The following CDC42BPB variants were observed in gnomAD, a reference collection of about 807,000 sequenced individuals.
CDC42BPB encodes CDC42 binding protein kinase beta, also known as serine/threonine-protein kinase MRCK beta.
A neutral mutation model predicts 214.9 loss-of-function variants in CDC42BPB; 37 were observed. The observed-to-expected ratio is 0.17, with a 90% confidence interval of 0.13 to 0.23. CDC42BPB has a LOEUF of 0.23. Among genes scored for constraint, CDC42BPB ranks in the 10% least tolerant of loss-of-function variants. CDC42BPB has a pLI of 1.00. For missense variants in CDC42BPB, 1,694 were observed against 2,227.0 expected, an observed-to-expected ratio of 0.76 and a Z score of 4.82; for synonymous variants, 931 against 884.0, an observed-to-expected ratio of 1.05 and a Z score of -0.94.
intron 21 of CDC42BPB, among the ~76,000 whole-genome samples, chr14:102,959,022 C>T (rs1448919384): frequency 1.4e-5 from 2 of 146,218 alleles, no homozygotes; most frequent in African/African-American, 2.5e-5. Context: ...ACAGGCTGGG[C>T]GTGGTGGCTC....
At chr14:102,945,602 G>T in intron 29 of CDC42BPB, 60 bp downstream of exon 29, 1 of 1,470,172 alleles carries the variant, frequency 6.8e-7, no homozygotes, top group Non-Finnish European at 9.5e-7. Flanking sequence ...ACCCTGTGCT[G>T]TCTGCAGAGG....
At chr14:103,032,118 T>C (rs937628398) in intron 1 of CDC42BPB, among the ~76,000 whole-genome samples, 2 of 151,998 alleles carry the variant, frequency 1.3e-5, no homozygotes, top group Non-Finnish European at 2.9e-5. Context: ...GTTTCTGATA[T>C]GAAGGCCTGG....
chr14:103,028,959 C>T (rs2139697027), intron 1 of CDC42BPB, among the ~76,000 whole-genome samples: 1 of 152,272 alleles, frequency 6.6e-6, no homozygotes, highest in South Asian at 2.1e-4. Context: ...AAACCATTTT[C>T]AGCAGGGTTC....
intron 1 of CDC42BPB, among the ~76,000 whole-genome samples, chr14:103,044,965 C>T (rs1484050640): frequency 6.6e-6 from 1 of 150,942 alleles, no homozygotes; most frequent in Non-Finnish European, 1.5e-5. Context: ...TTTGGGAGGC[C>T]GAGGCAAGAG....
rs1487372209 is a variant in CDC42BPB, at chr14:102,968,736, T to C, written c.1996-20A>G. ...CTTCACCTGAAGACAAAGGTTAACA[T>C]AAATTGACAAACCTCTGTGTCCTCA... On this transcript the variant is annotated intron_variant, in intron 14 of 36. Coordinates refer to ENST00000361246, the MANE Select transcript of CDC42BPB (RefSeq NM_006035.4). The C allele has an allele frequency of 3.7e-6, 6 of 1,612,176 alleles. No individual in the cohort carries two copies. Among genetic ancestry groups the C allele is most frequent in the Non-Finnish European group, 5.1e-6 (6 of 1,179,694 alleles).
chr14:102,950,346 G>C, intron 25 of CDC42BPB, 120 bp downstream of exon 25: 1 of 1,343,898 alleles, frequency 7.4e-7, no homozygotes, highest in Non-Finnish European at 1.0e-6. Flanking sequence ...AAGCCCCCTA[G>C]GACTGGCACC....
intron 6 of CDC42BPB, among the ~76,000 whole-genome samples, chr14:102,985,961 G>C (rs34194778): frequency 6.6e-6 from 1 of 152,158 alleles, no homozygotes; most frequent in Admixed American, 6.5e-5. Context: ...TAGCCGATCC[G>C]GGGGCAACCT....
chr14:102,986,039 C>A (rs1230115414), intron 6 of CDC42BPB, among the ~76,000 whole-genome samples: 3 of 152,236 alleles, frequency 2.0e-5, no homozygotes, highest in Non-Finnish European at 1.5e-5. Flanking sequence ...GACTCTATTT[C>A]TAGGTCTACA....
At chr14:102,969,894 C>T (rs551821540) in intron 14 of CDC42BPB, among the ~76,000 whole-genome samples, 3 of 152,230 alleles carry the variant, frequency 2.0e-5, no homozygotes, top group Non-Finnish European at 4.4e-5. Context: ...ATTAGATATT[C>T]GTTTCCTAGG....
At chr14:103,018,581 C>T (rs932787723) in intron 1 of CDC42BPB, among the ~76,000 whole-genome samples, 1 of 151,994 alleles carries the variant, frequency 6.6e-6, no homozygotes, top group African/African-American at 2.4e-5. Flanking sequence ...AAAGAAGATT[C>T]CAGGATGTGC....
chr14:102,933,794 G>A lies in CDC42BPB; in HGVS notation c.5054C>T (p.Pro1685Leu), dbSNP rs2139325341. ...GGAGTTGGGGCTCGGTGGGCCGCTG[G>A]GGTTGGAGCTATTCGATGGAGTTGA... ...KHSTPSNSSNPSGPPSPNSPH... is the reference protein window; with the variant it reads ...KHSTPSNSSNLSGPPSPNSPH... Residue 1685 changes from proline to leucine, a missense_variant, in exon 37 of 37, where the codon CCC becomes CTC. Around this residue, in one of 7 missense-constraint regions of CDC42BPB, gnomAD observed 146 missense variants for 134.1 expected, o/e 1.09. Coordinates refer to ENST00000361246, the MANE Select transcript of CDC42BPB (RefSeq NM_006035.4). 6.6e-7 allele frequency: 1 copy of A among 1,506,908 alleles called. No homozygotes were observed. Among genetic ancestry groups the A allele is most frequent in the Non-Finnish European group, 8.8e-7 (1 of 1,139,548 alleles). 93.3% of individuals were successfully genotyped at this position (1,506,908 alleles called of 1,614,324 possible).
chr14:102,975,842 G>A (rs377457399), intron 10 of CDC42BPB, 39 bp from the exon 11 acceptor site: 20 of 1,613,834 alleles, frequency 1.2e-5, no homozygotes, highest in South Asian at 7.7e-5. Context: ...CAGCCTGGCC[G>A]CAGCGCCCCC....
chr14:103,053,859 GA>G (rs1888793966), intron 1 of CDC42BPB, among the ~76,000 whole-genome samples: 2 of 150,224 alleles, frequency 1.3e-5, no homozygotes, highest in African/African-American at 4.9e-5. Flanking sequence ...ATTTATTTTT[GA>G]GACAGGGTCT....
At chr14:103,036,197 G>A (rs1430952525) in intron 1 of CDC42BPB, among the ~76,000 whole-genome samples, 1 of 147,962 alleles carries the variant, frequency 6.8e-6, no homozygotes, top group Non-Finnish European at 1.5e-5. Flanking sequence ...CTGTCGCCCA[G>A]GCTGGACTGC....
In CDC42BPB at chr14:102,953,971, A is replaced by ATTT. The variant is rs377345256; in HGVS notation, c.3066+226_3066+227insAAA. On this transcript the variant is annotated intron_variant, in intron 23 of 36. Coordinates refer to ENST00000361246, the MANE Select transcript of CDC42BPB (RefSeq NM_006035.4). ...AATGCTGAACTTTTCCAATTAAAAT[A>ATTT]TATTTGTGTAGCACTGGTATCATTA... Among the ~76,000 whole-genome samples the ATTT allele has an allele frequency of 2.4e-4, 37 of 152,314 alleles. 1 individual carries two copies. Among genetic ancestry groups the ATTT allele is most frequent in the African/African-American group, 8.7e-4 (36 of 41,560 alleles).
rs376348571 is a variant in CDC42BPB at position 102,983,673 on chromosome 14, G to A, written c.774C>T (p.Tyr258=). The change falls in exon 7 of 37, where the codon TAC becomes TAT. Residue 258 remains tyrosine, a synonymous_variant. Coordinates refer to ENST00000361246, the MANE Select transcript of CDC42BPB (RefSeq NM_006035.4). ...GAGACCACCAGTCACACTCAGGCCC[G>A]TATTTGCCCATGCCGTCCTCCATCG... ...LQAMEDGMGK[Y]GPECDWWSLG... 9 of 1,613,808 alleles carry A rather than the reference G, an allele frequency of 5.6e-6. No individual in the cohort carries two copies. The highest frequency in any genetic ancestry group is 1.7e-5 in the Admixed American group (1 of 60,000).
intron 5 of CDC42BPB, among the ~76,000 whole-genome samples, chr14:102,999,213 T>C: frequency 9.1e-6 from 1 of 109,542 alleles, no homozygotes; most frequent in Non-Finnish European, 1.9e-5. Context: ...GGAGGGGGTC[T>C]TGGGCGGTAG....
At chr14:102,951,212 C>T (rs1435164766) in intron 24 of CDC42BPB, among the ~76,000 whole-genome samples, 1 of 152,180 alleles carries the variant, frequency 6.6e-6, no homozygotes, top group Non-Finnish European at 1.5e-5. Context: ...TTCAGGCCAG[C>T]GGTCATGGGG....
intron 16 of CDC42BPB, among the ~76,000 whole-genome samples, chr14:102,967,740 T>C (rs1893280759): frequency 6.6e-6 from 1 of 152,254 alleles, no homozygotes; most frequent in Non-Finnish European, 1.5e-5. Flanking sequence ...GGACGCCTGT[T>C]GTACACACAG....
Sources: gnomAD v4.1 joint callset for allele counts (sites outside exome capture counted in the v4.1 genomes callset) on GRCh38, gnomAD v4.1.1 for gene constraint, gnomAD v4.1.1 regional missense constraint, MANE v1.5 for transcripts, NCBI Gene and HGNC (gene_info 2026-07-23, HGNC 2026-07-21) for gene names.